Variants in PPARGC1A observed in about 807,000 individuals in gnomAD.
PPARGC1A encodes peroxisome proliferator-activated receptor gamma coactivator 1-alpha.
In PPARGC1A, 25 loss-of-function variants were observed where a neutral mutation model predicts 88.7. The ratio of observed to expected loss-of-function variants is 0.28; its 90% confidence interval spans 0.21 to 0.39. The LOEUF is 0.39. Ranked by LOEUF, PPARGC1A falls within the 10% of genes least tolerant of loss-of-function variation. The probability of loss-of-function intolerance (pLI) is 1.00; values close to 1 mark genes in which losing one functional copy is unlikely to be tolerated. For synonymous variants in PPARGC1A, 363 were observed against 355.6 expected (o/e 1.02, Z -0.24); for missense variants, 880 against 968.7 (o/e 0.91, Z 1.22).
the PPARGC1A span, among the ~76,000 whole-genome samples, chr4:23,980,420 T>C: frequency 6.6e-6 from 1 of 152,134 alleles, no homozygotes; most frequent in African/African-American, 2.4e-5. Flanking sequence ...ACTAAGTAAA[T>C]TCACTTTTCT....
chr4:24,255,525 C>G, the PPARGC1A span, among the ~76,000 whole-genome samples: 1 of 152,158 alleles, frequency 6.6e-6, no homozygotes, highest in Non-Finnish European at 1.5e-5. Context: ...TAAGAATCAC[C>G]AGGCTCTTCA....
chr4:24,245,526 C>T, the PPARGC1A span, among the ~76,000 whole-genome samples: 13 of 152,292 alleles, frequency 8.5e-5, no homozygotes, highest in Middle Eastern at 6.8e-3. Context: ...GTCACTGAGC[C>T]GGACTTTAAA....
the PPARGC1A span, among the ~76,000 whole-genome samples, chr4:23,992,681 T>A: frequency 1.1e-5 from 1 of 87,900 alleles, no homozygotes; most frequent in African/African-American, 4.7e-5. Flanking sequence ...AAAGACTGAT[T>A]GAAAGGCTCG....
the PPARGC1A span, among the ~76,000 whole-genome samples, chr4:24,437,224 C>G: frequency 6.6e-6 from 1 of 152,236 alleles, no homozygotes; most frequent in Admixed American, 6.5e-5. Context: ...GGGACCACCT[C>G]TAGCCCTGTG....
the PPARGC1A span, among the ~76,000 whole-genome samples, chr4:23,951,811 C>T: frequency 1.1e-4 from 16 of 152,098 alleles, no homozygotes; most frequent in Admixed American, 2.0e-4. Flanking sequence ...ACCAGAAAAG[C>T]GTTTACTTTC....
At chr4:23,947,012 A>T in the PPARGC1A span, among the ~76,000 whole-genome samples, 24 of 152,212 alleles carry the variant, frequency 1.6e-4, no homozygotes, top group African/African-American at 5.1e-4. Context: ...ATTTGTACTA[A>T]TCAGCCCCTG....
At chr4:24,239,346 A>G in the PPARGC1A span, among the ~76,000 whole-genome samples, 1 of 152,230 alleles carries the variant, frequency 6.6e-6, no homozygotes, top group Non-Finnish European at 1.5e-5. Context: ...TTCACAGGAA[A>G]GAATGGTCTC....
the PPARGC1A span, among the ~76,000 whole-genome samples, chr4:23,967,428 T>C: frequency 2.6e-5 from 4 of 152,174 alleles, no homozygotes; most frequent in South Asian, 2.1e-4. Context: ...GGGGCCCACA[T>C]GTCAGCTGGG....
At chr4:24,168,660 C>T in the PPARGC1A span, among the ~76,000 whole-genome samples, 1 of 152,016 alleles carries the variant, frequency 6.6e-6, no homozygotes, top group African/African-American at 2.4e-5. Flanking sequence ...CACACACACA[C>T]ACACACAATG....
the PPARGC1A span, among the ~76,000 whole-genome samples, chr4:24,078,502 T>C: frequency 2.7e-4 from 41 of 152,200 alleles, no homozygotes; most frequent in Non-Finnish European, 4.1e-4. Flanking sequence ...TCCAGATATC[T>C]GGCTGAACTT....
chr4:23,930,519 C>T, the PPARGC1A span, among the ~76,000 whole-genome samples: 1 of 152,094 alleles, frequency 6.6e-6, no homozygotes, highest in Admixed American at 6.5e-5. Flanking sequence ...TGAATTTTAT[C>T]AGTTACAAGG....
the PPARGC1A span, among the ~76,000 whole-genome samples, chr4:24,137,850 A>C: frequency 6.6e-6 from 1 of 152,182 alleles, no homozygotes; most frequent in Non-Finnish European, 1.5e-5. Context: ...CTATCCAAAC[A>C]ATCAAACAAG....
chr4:24,185,233 AAAAT>A, the PPARGC1A span, among the ~76,000 whole-genome samples: 28 of 152,266 alleles, frequency 1.8e-4, no homozygotes, highest in Middle Eastern at 6.8e-3. Flanking sequence ...CCACCCTCCA[AAAAT>A]AAATAAATAA....
At chr4:24,118,237 C>T in the PPARGC1A span, among the ~76,000 whole-genome samples, 2 of 152,218 alleles carry the variant, frequency 1.3e-5, no homozygotes, top group South Asian at 4.1e-4. Flanking sequence ...TATTTATGGG[C>T]CAAGGCAGGG....
the PPARGC1A span, among the ~76,000 whole-genome samples, chr4:24,295,301 GC>G: frequency 6.6e-6 from 1 of 152,148 alleles, no homozygotes; most frequent in Non-Finnish European, 1.5e-5. Context: ...CTTGACGTTT[GC>G]CAGTTGCTAA....
chr4:24,310,752 A>G, the PPARGC1A span, among the ~76,000 whole-genome samples: 3 of 152,260 alleles, frequency 2.0e-5, no homozygotes, highest in African/African-American at 7.2e-5. Context: ...AACAGAATCC[A>G]GAATCTCTAC....
the PPARGC1A span, among the ~76,000 whole-genome samples, chr4:24,139,300 T>C: frequency 5.3e-5 from 8 of 152,124 alleles, no homozygotes; most frequent in Admixed American, 4.6e-4. Flanking sequence ...GCCCGGCTAA[T>C]TTTTTAGTGT....
the PPARGC1A span, among the ~76,000 whole-genome samples, chr4:24,191,942 C>G: frequency 6.6e-6 from 1 of 152,182 alleles, no homozygotes; most frequent in African/African-American, 2.4e-5. Flanking sequence ...CACTCCCATT[C>G]AGAGTTCTTG....
the PPARGC1A span, among the ~76,000 whole-genome samples, chr4:24,203,048 C>G: frequency 1.3e-5 from 2 of 152,132 alleles, no homozygotes; most frequent in Admixed American, 6.5e-5. Flanking sequence ...CTTACAGGAG[C>G]AGTTAGGGAT....
Sources: allele counts gnomAD v4.1 joint callset (sites outside exome capture counted in the v4.1 genomes callset), GRCh38; gene constraint gnomAD v4.1.1; transcripts MANE v1.5; gene names NCBI Gene and HGNC (gene_info 2026-07-23, HGNC 2026-07-21).